Variants in MID1 observed in about 807,000 individuals in gnomAD.
The protein encoded by MID1 is midline 1.
MID1 carries 7 observed loss-of-function variants against 40.4 expected under a neutral mutation model. The observed-to-expected ratio is 0.17, with a 90% CI of 0.10 to 0.33. The LOEUF is 0.33. Ranked by LOEUF, MID1 falls within the 10% of genes least tolerant of loss-of-function variation. The pLI is 1.00. For missense variants in MID1, 367 were observed against 558.5 expected (o/e 0.66, Z 3.46); for synonymous variants, 229 against 221.2 (o/e 1.04, Z -0.31).
intron 1 of MID1, among the ~76,000 whole-genome samples, chrX:10,619,362 C>A (rs1165356720): frequency 8.9e-6 from 1 of 112,441 alleles, no homozygotes; most frequent in African/African-American, 3.2e-5. Flanking sequence ...TTATTCAGAG[C>A]TGGTAAAAGC....
intron 1 of MID1, among the ~76,000 whole-genome samples, chrX:10,684,644 C>A (rs1264950921): frequency 9.2e-6 from 1 of 109,114 alleles, no homozygotes; most frequent in African/African-American, 3.3e-5. Flanking sequence ...CTCTTGACCT[C>A]GTGATCTGCC....
chrX:10,728,172 T>C (rs994368320), intron 1 of MID1, among the ~76,000 whole-genome samples: 3 of 111,067 alleles, frequency 2.7e-5, no homozygotes, highest in Non-Finnish European at 5.7e-5. Flanking sequence ...GGATGGATCT[T>C]TAAAACTCAT....
At chrX:10,605,646 T>C (rs1935610947) in intron 1 of MID1, among the ~76,000 whole-genome samples, 1 of 112,068 alleles carries the variant, frequency 8.9e-6, no homozygotes, top group Non-Finnish European at 1.9e-5. Context: ...AATGTGCATT[T>C]TCAAAGTATT....
intron 1 of MID1, among the ~76,000 whole-genome samples, chrX:10,819,249 A>T (rs1244285562): frequency 9.1e-6 from 1 of 110,252 alleles, no homozygotes; most frequent in African/African-American, 3.3e-5. Context: ...GAGAGAGAGA[A>T]ATAATACTTA....
intron 1 of MID1, among the ~76,000 whole-genome samples, chrX:10,812,738 G>A (rs745538138): frequency 1.8e-4 from 20 of 111,450 alleles, no homozygotes; most frequent in South Asian, 3.8e-4. Flanking sequence ...CTGTCCTTCC[G>A]GCTGCCAGTC....
intron 5 of MID1, among the ~76,000 whole-genome samples, chrX:10,477,750 G>T (rs911908894): frequency 8.9e-6 from 1 of 112,099 alleles, no homozygotes; most frequent in African/African-American, 3.2e-5. Flanking sequence ...CTGCTCACAA[G>T]GCTTCTGCCA....
At chrX:10,793,858 C>T (rs1451548711) in intron 1 of MID1, among the ~76,000 whole-genome samples, 1 of 111,939 alleles carries the variant, frequency 8.9e-6, no homozygotes, top group Non-Finnish European at 1.9e-5. Flanking sequence ...AAAGTAGCCA[C>T]AATTCACTCT....
chrX:10,545,155 T>G (rs1044360438), intron 2 of MID1, among the ~76,000 whole-genome samples: 4 of 110,560 alleles, frequency 3.6e-5, no homozygotes, highest in African/African-American at 1.3e-4. Context: ...AGAGACGAGG[T>G]TTCCCCACGT....
At chrX:10,579,810 A>G (rs1436155020) in intron 1 of MID1, among the ~76,000 whole-genome samples, 1 of 103,666 alleles carries the variant, frequency 9.6e-6, no homozygotes, top group Non-Finnish European at 2.0e-5. Flanking sequence ...TTTTTTTTTT[A>G]AAGGCAACAG....
chrX:10,556,943 A>T (rs951327168), intron 2 of MID1, among the ~76,000 whole-genome samples: 5 of 112,360 alleles, frequency 4.4e-5, no homozygotes, highest in African/African-American at 1.6e-4. Context: ...AATGTCAAAA[A>T]ATTTACCAGT....
At chrX:10,537,637 A>G (rs1933310012) in intron 2 of MID1, among the ~76,000 whole-genome samples, 1 of 112,718 alleles carries the variant, frequency 8.9e-6, no homozygotes, top group African/African-American at 3.2e-5. Context: ...TGCATTTACT[A>G]TAATTAAAGG....
intron 1 of MID1, among the ~76,000 whole-genome samples, chrX:10,673,971 C>T (rs2043005495): frequency 9.0e-6 from 1 of 111,107 alleles, no homozygotes; most frequent in Admixed American, 9.6e-5. Context: ...GACATTATTG[C>T]AAATTATGTG....
chrX:10,595,463 G>T (rs759664989), intron 1 of MID1, among the ~76,000 whole-genome samples: 1 of 111,703 alleles, frequency 9.0e-6, no homozygotes, highest in East Asian at 2.8e-4. Context: ...GTCAGGCACA[G>T]AAGACAATTA....
chrX:10,597,888 A>G (rs1385506251), intron 1 of MID1, among the ~76,000 whole-genome samples: 1 of 111,589 alleles, frequency 9.0e-6, no homozygotes, highest in Non-Finnish European at 1.9e-5. Context: ...TGATAACCCC[A>G]TGGTCAGCAC....
chrX:10,472,247 C>T (rs374655541), intron 6 of MID1, among the ~76,000 whole-genome samples: 2 of 112,096 alleles, frequency 1.8e-5, no homozygotes, highest in Admixed American at 9.4e-5. Flanking sequence ...TGGTCAGGAT[C>T]GATGTTATGT....
At chrX:10,560,610 T>C (rs1475284063) in intron 2 of MID1, among the ~76,000 whole-genome samples, 1 of 110,511 alleles carries the variant, frequency 9.0e-6, no homozygotes, top group East Asian at 2.8e-4. Flanking sequence ...ATGAGTGAAC[T>C]CCCATTCACA....
At position 10,603,852 on chromosome X, in the gene MID1, T is replaced by C. The variant is rs558736950; in HGVS notation, c.-57+16438A>G. On this transcript the variant is annotated intron_variant, in intron 1 of 9. Coordinates refer to ENST00000317552, the MANE Select transcript of MID1 (RefSeq NM_000381.4). ...GCCATTAGAAAGGGGTTGCTGGTGA[T>C]ATGACAGGAATTCAACCAGGATAAG... Among the ~76,000 whole-genome samples, 353 of 111,661 alleles carry C rather than the reference T, an allele frequency of 3.2e-3. 3 individuals carry two copies. The highest frequency in any genetic ancestry group is 0.011 in the African/African-American group (339 of 30,775).
chrX:10,477,041 G>A (rs774561334), intron 5 of MID1, among the ~76,000 whole-genome samples: 48 of 112,450 alleles, frequency 4.3e-4, no homozygotes, highest in East Asian at 8.4e-4. Flanking sequence ...ATATGCATTC[G>A]ATGCAGAAAA....
chrX:10,639,329 T>G (rs1393011416), intron 1 of MID1, among the ~76,000 whole-genome samples: 2 of 111,846 alleles, frequency 1.8e-5, no homozygotes, highest in African/African-American at 3.3e-5. Flanking sequence ...ATGACCTGAC[T>G]GAGCTGAAAA....
Sources: allele counts gnomAD v4.1 joint callset (sites outside exome capture counted in the v4.1 genomes callset), GRCh38; gene constraint gnomAD v4.1.1; transcripts MANE v1.5; gene names NCBI Gene and HGNC (gene_info 2026-07-23, HGNC 2026-07-21).